WHRN: variants seen among roughly 807,000 people sequenced by gnomAD.
WHRN encodes the protein whirlin.
In WHRN, 41 loss-of-function variants were observed where a neutral mutation model predicts 68.3. The ratio of observed to expected loss-of-function variants is 0.60; its 90% CI spans 0.47 to 0.78. WHRN has a LOEUF of 0.78. Among genes scored for constraint, WHRN ranks in the 30% least tolerant of loss-of-function variants. The pLI is 0.00. For synonymous variants in WHRN, 560 were observed against 561.3 expected (o/e 1.00, Z 0.03); for missense variants, 1,243 against 1,244.7 (o/e 1.00, Z 0.02).
intron 4 of WHRN, 57 bp downstream of exon 4, chr9:114,426,154 C>T: frequency 1.2e-6 from 2 of 1,609,662 alleles, no homozygotes; most frequent in East Asian, 2.2e-5. Flanking sequence ...GCAGCTATCA[C>T]TGGCTTTCAG....
intron 2 of WHRN, among the ~76,000 whole-genome samples, chr9:114,470,737 T>C (rs1477683781): frequency 2.6e-5 from 4 of 152,074 alleles, no homozygotes. Flanking sequence ...CTTAAGGCCT[T>C]GGAACAAGCC....
chr9:114,423,297 AG>A lies in WHRN; in HGVS notation c.1626+16del. 1 of 1,613,502 alleles carries A rather than the reference AG, an allele frequency of 6.2e-7. No individual in the cohort carries two copies. The highest frequency in any genetic ancestry group is 8.5e-7 in the Non-Finnish European group (1 of 1,179,636). On this transcript the variant is annotated intron_variant, in intron 7 of 11. Coordinates refer to ENST00000362057, the MANE Select transcript of WHRN (RefSeq NM_015404.4). ...TGCCCTGGCTACTAAGCCAGGGACA[AG>A]GCAGAAGAAGCTCACCCTGGCCGAG...
chr9:114,464,061 A>T (rs1309922663), intron 3 of WHRN, among the ~76,000 whole-genome samples: 6 of 152,224 alleles, frequency 3.9e-5, no homozygotes, highest in African/African-American at 1.4e-4. Context: ...GCATGCCTGT[A>T]TCTAAACACC....
chr9:114,488,457 G>A (rs1188956483), intron 1 of WHRN, among the ~76,000 whole-genome samples: 2 of 152,170 alleles, frequency 1.3e-5, no homozygotes, highest in South Asian at 2.1e-4. Context: ...CTCTCTCCTC[G>A]CTTCTCTCCA....
chr9:114,459,548 A>G (rs144112093), intron 3 of WHRN, among the ~76,000 whole-genome samples: 278 of 152,350 alleles, frequency 1.8e-3, no homozygotes, highest in African/African-American at 6.5e-3. Context: ...TACTTAGCAC[A>G]GGGGTGCTGT....
At chr9:114,450,332 A>C (rs1419346401) in intron 3 of WHRN, among the ~76,000 whole-genome samples, 1 of 152,212 alleles carries the variant, frequency 6.6e-6, no homozygotes, top group African/African-American at 2.4e-5. Context: ...GGAGTGCCAA[A>C]GAGGGACAGG....
chr9:114,476,710 G>C (rs1308834306), intron 2 of WHRN, among the ~76,000 whole-genome samples: 3 of 152,136 alleles, frequency 2.0e-5, no homozygotes, highest in African/African-American at 7.2e-5. Context: ...CAAGCACCCA[G>C]GTGCTCAGCA....
At chr9:114,472,552 C>T (rs145097198) in intron 2 of WHRN, among the ~76,000 whole-genome samples, 3 of 152,274 alleles carry the variant, frequency 2.0e-5, no homozygotes, top group Admixed American at 2.0e-4. Flanking sequence ...ATGCCCTTTC[C>T]TTGCTTGGTT....
chr9:114,472,043 G>A (rs778360701), intron 2 of WHRN, among the ~76,000 whole-genome samples: 10 of 152,204 alleles, frequency 6.6e-5, no homozygotes, highest in African/African-American at 2.2e-4. Flanking sequence ...AGAGAACAGC[G>A]AACACCTGAA....
chr9:114,445,631 A>G (rs1042558560), intron 3 of WHRN, among the ~76,000 whole-genome samples: 2 of 152,154 alleles, frequency 1.3e-5, no homozygotes, highest in East Asian at 3.9e-4. Context: ...ACCTCCCTCT[A>G]TGTTTGGGGG....
Position 114,403,219 on chromosome 9 carries a change from G to C in WHRN, c.2539C>G (p.Gln847Glu). Reference sequence around the variant, plus strand: ...AAGTGGGGCCCCTGGGGACATACCTGAATAGTGACAATCCTAGGCAGGGGC... The same window carrying C: ...AAGTGGGGCCCCTGGGGACATACCTCAATAGTGACAATCCTAGGCAGGGGC... ...RQPLPRIVTIQRGGSAHNCGQ... is the reference protein window; with the variant it reads ...RQPLPRIVTIERGGSAHNCGQ... Residue 847 changes from glutamine to glutamate, a missense_variant and splice_region_variant, in exon 11 of 12, where the codon CAG (glutamine) becomes GAG (glutamate). By Grantham distance (29) the Gln-to-Glu change is conservative. Coordinates refer to ENST00000362057, the MANE Select transcript of WHRN (RefSeq NM_015404.4). 5 of 1,614,222 alleles carry C rather than the reference G, an allele frequency of 3.1e-6. No homozygotes were observed. Among genetic ancestry groups the C allele is most frequent in the Non-Finnish European group, 4.2e-6 (5 of 1,180,020 alleles).
chr9:114,413,417 C>A (rs1474202802), intron 7 of WHRN, among the ~76,000 whole-genome samples: 1 of 152,066 alleles, frequency 6.6e-6, no homozygotes, highest in Admixed American at 6.5e-5. Flanking sequence ...GGGATGTGAG[C>A]CAGGGAGAGC....
chr9:114,405,682 T>A (rs1370012423), intron 9 of WHRN, among the ~76,000 whole-genome samples: 1 of 152,230 alleles, frequency 6.6e-6, no homozygotes, highest in Non-Finnish European at 1.5e-5. Context: ...GAGCCCTGCA[T>A]TTTGCATCTT....
intron 3 of WHRN, among the ~76,000 whole-genome samples, chr9:114,447,444 G>T (rs1838921708): frequency 6.6e-6 from 1 of 152,162 alleles, no homozygotes; most frequent in Non-Finnish European, 1.5e-5. Context: ...CCAGAATACT[G>T]CCTGTACATC....
chr9:114,425,768 G>A, intron 4 of WHRN: 1 of 266,358 alleles, frequency 3.8e-6, no homozygotes, highest in South Asian at 4.8e-5. Flanking sequence ...CTGGCAACTG[G>A]ATCTCAGTTT....
chr9:114,425,078 G>C (rs781209216), intron 4 of WHRN, 54 bp from the exon 5 acceptor site: 1 of 1,575,066 alleles, frequency 6.3e-7, no homozygotes, highest in African/African-American at 1.3e-5. Context: ...TCAAATGGGC[G>C]TGGGCAAGGG....
chr9:114,409,401 C>T (rs1046090832), intron 7 of WHRN, among the ~76,000 whole-genome samples: 1 of 152,118 alleles, frequency 6.6e-6, no homozygotes, highest in African/African-American at 2.4e-5. Context: ...TCCTGGAGGA[C>T]GGGGCACAAC....
Position 114,504,796 on chromosome 9 carries a change from G to A in WHRN, c.6C>T (p.Asn2=). 12 of 1,444,956 alleles carry A rather than the reference G, an allele frequency of 8.3e-6. No individual in the cohort carries two copies. Among genetic ancestry groups the A allele is most frequent in the Non-Finnish European group, 9.9e-6 (11 of 1,112,560 alleles). 89.5% of individuals were successfully genotyped at this position (1,444,956 alleles called of 1,614,324 possible). ...TCACCGACAGGCCGTCCAGCGGCGCGTTCATCTCCACGCCGAGGCCCGGCC... is the reference window on the plus strand; with the variant it reads ...TCACCGACAGGCCGTCCAGCGGCGCATTCATCTCCACGCCGAGGCCCGGCC... M[N]APLDGLSVSS... The change falls in exon 1 of 12, where the codon AAC becomes AAT. Residue 2 remains asparagine (N), a synonymous_variant. Transcript: ENST00000362057.
rs532816729 is a variant in WHRN, at chr9:114,459,927, G to A, written c.963+6340C>T. 2.0e-5 allele frequency among the ~76,000 whole-genome samples: 3 copies of A among 152,314 alleles called. No homozygotes were observed. In the East Asian group the frequency reaches 5.8e-4, roughly 29 times the overall value. On this transcript the variant is annotated intron_variant, in intron 3 of 11. Coordinates refer to ENST00000362057, the MANE Select transcript of WHRN (RefSeq NM_015404.4). ...TGTGATCCCCAGTGTTGGAGGTGGG[G>A]CTGGGAGGCTACCATAGCCACAAGC...
Sources: allele counts gnomAD v4.1 joint callset (sites outside exome capture counted in the v4.1 genomes callset), GRCh38; gene constraint gnomAD v4.1.1; transcripts MANE v1.5; gene names NCBI Gene and HGNC (gene_info 2026-07-23, HGNC 2026-07-21).